Variants in GRIA1 observed in about 807,000 individuals in gnomAD.
The protein encoded by GRIA1 is glutamate ionotropic receptor AMPA type subunit 1.
In GRIA1, 31 loss-of-function variants were observed where a neutral mutation model predicts 99.2. That is an observed-to-expected ratio of 0.31 (90% CI 0.23 to 0.42). The LOEUF is 0.42. GRIA1 is among the 10% of genes least tolerant of loss of function. The pLI is 1.00. For missense variants in GRIA1, 782 were observed against 1,157.5 expected (o/e 0.68, Z 4.71); for synonymous variants, 438 against 432.4 (o/e 1.01, Z -0.16).
chr5:153,606,765 TAC>T (rs1765472923), intron 2 of GRIA1, among the ~76,000 whole-genome samples: 1 of 151,878 alleles, frequency 6.6e-6, no homozygotes, highest in Non-Finnish European at 1.5e-5. Flanking sequence ...CACTTTTTTC[TAC>T]AGTTTTTCTT....
chr5:153,759,738 C>G (rs538509479), intron 11 of GRIA1, among the ~76,000 whole-genome samples: 1 of 151,662 alleles, frequency 6.6e-6, no homozygotes, highest in Non-Finnish European at 1.5e-5. Flanking sequence ...AAACCAGACA[C>G]AACAAAAAAG....
chr5:153,529,789 C>T (rs1344061169), intron 2 of GRIA1, among the ~76,000 whole-genome samples: 1 of 152,080 alleles, frequency 6.6e-6, no homozygotes, highest in African/African-American at 2.4e-5. Flanking sequence ...AACTCCCCAA[C>T]CTTTTGCTTT....
At chr5:153,520,364 G>A (rs1757025706) in intron 2 of GRIA1, among the ~76,000 whole-genome samples, 1 of 152,220 alleles carries the variant, frequency 6.6e-6, no homozygotes, top group South Asian at 2.1e-4. Context: ...CCACAGTGGA[G>A]CCTTGAAGGA....
At chr5:153,696,973 G>T (rs1424572375) in intron 8 of GRIA1, among the ~76,000 whole-genome samples, 2 of 152,074 alleles carry the variant, frequency 1.3e-5, no homozygotes, top group Non-Finnish European at 2.9e-5. Context: ...GGCCTTCAAA[G>T]CCATCTGCTA....
chr5:153,611,351 T>C (rs980456148), intron 2 of GRIA1, among the ~76,000 whole-genome samples: 2 of 152,218 alleles, frequency 1.3e-5, no homozygotes, highest in African/African-American at 4.8e-5. Flanking sequence ...GGAAAGCTGG[T>C]TTACTGTCCC....
intron 2 of GRIA1, among the ~76,000 whole-genome samples, chr5:153,618,103 T>C (rs2149418666): frequency 6.6e-6 from 1 of 152,354 alleles, no homozygotes; most frequent in East Asian, 1.9e-4. Context: ...GTTTGACGTT[T>C]GGCTTAATGT....
intron 2 of GRIA1, among the ~76,000 whole-genome samples, chr5:153,552,267 G>C (rs11745937): frequency 0.47 from 70,703 of 151,638 alleles, 18,198 homozygotes; most frequent in Non-Finnish European, 0.59. Flanking sequence ...AAAGAAGAAG[G>C]TTTGGCAGTA....
intron 2 of GRIA1, among the ~76,000 whole-genome samples, chr5:153,526,130 T>C (rs1757572283): frequency 6.6e-6 from 1 of 152,188 alleles, no homozygotes; most frequent in Non-Finnish European, 1.5e-5. Context: ...ATCTGTATGA[T>C]GGGAATAATA....
At chr5:153,536,396 C>T (rs1439953314) in intron 2 of GRIA1, among the ~76,000 whole-genome samples, 2 of 152,148 alleles carry the variant, frequency 1.3e-5, no homozygotes, top group Non-Finnish European at 2.9e-5. Context: ...TATCCCTTAT[C>T]ATTCTGCCGT....
At chr5:153,762,235 T>C (rs1483239792) in intron 11 of GRIA1, among the ~76,000 whole-genome samples, 2 of 152,238 alleles carry the variant, frequency 1.3e-5, no homozygotes, top group African/African-American at 2.4e-5. Flanking sequence ...GAATTGATCA[T>C]TATATAATGT....
At chr5:153,680,504 G>A (rs1034572830) in intron 7 of GRIA1, among the ~76,000 whole-genome samples, 5 of 152,084 alleles carry the variant, frequency 3.3e-5, no homozygotes, top group African/African-American at 9.7e-5. Flanking sequence ...TTAGAAAAAT[G>A]CATATGTGTA....
intron 2 of GRIA1, among the ~76,000 whole-genome samples, chr5:153,574,048 G>C (rs1248455546): frequency 6.6e-6 from 1 of 152,308 alleles, no homozygotes; most frequent in East Asian, 1.9e-4. Flanking sequence ...TCAAGAACAA[G>C]TGATGTGCAG....
intron 5 of GRIA1, among the ~76,000 whole-genome samples, chr5:153,668,530 T>C (rs1755914774): frequency 6.6e-6 from 1 of 152,234 alleles, no homozygotes; most frequent in Admixed American, 6.5e-5. Flanking sequence ...TAAATAGTAA[T>C]AGTAAATTAC....
chr5:153,626,647 A>C lies in GRIA1; in HGVS notation c.221-20281A>C, dbSNP rs1168590715. ...ATTAACTCATGTAGGACTGACGCTAAGGGACAGTTAGAGTGGAGTGGAAAC... is the reference window on the plus strand; with the variant it reads ...ATTAACTCATGTAGGACTGACGCTACGGGACAGTTAGAGTGGAGTGGAAAC... On this transcript the variant is annotated intron_variant, in intron 2 of 15. Coordinates refer to ENST00000285900, the MANE Select transcript of GRIA1 (RefSeq NM_000827.4). 2.6e-5 allele frequency among the ~76,000 whole-genome samples: 4 copies of C among 152,192 alleles called. No homozygotes were observed. The East Asian group carries it at 7.7e-4, about 29-fold the overall frequency.
chr5:153,668,323 C>T (rs963435702), intron 5 of GRIA1, among the ~76,000 whole-genome samples: 14 of 152,196 alleles, frequency 9.2e-5, no homozygotes, highest in African/African-American at 3.1e-4. Context: ...CAAAAGTCAG[C>T]AAACTATGGT....
chr5:153,492,331 G>C, intron 1 of GRIA1: 3 of 1,516,270 alleles, frequency 2.0e-6, no homozygotes, highest in Non-Finnish European at 2.6e-6. Context: ...GTGTGTTAGT[G>C]CCTAACACGC....
chr5:153,743,127 T>G (rs1195771253), intron 11 of GRIA1, among the ~76,000 whole-genome samples: 1 of 152,038 alleles, frequency 6.6e-6, no homozygotes, highest in South Asian at 2.1e-4. Context: ...ACCCAGAAAA[T>G]AGAGAGGAGA....
Position 153,802,474 on chromosome 5 carries a change from A to T in GRIA1, c.2504A>T (p.Glu835Val). 6.2e-7 allele frequency: 1 copy of T among 1,613,970 alleles called. No individual in the cohort carries two copies. Among genetic ancestry groups the T allele is most frequent in the Non-Finnish European group, 8.5e-7 (1 of 1,179,944 alleles). The change falls in exon 15 of 16, where the codon GAA becomes GTA. Residue 835 changes from glutamate (E) to valine (V), a missense_variant. By Grantham distance (121) the Glu-to-Val change is moderately radical. Around this residue, in one of 5 missense-constraint regions of GRIA1, gnomAD observed 119 missense variants for 326.6 expected, o/e 0.36. Coordinates refer to ENST00000285900, the MANE Select transcript of GRIA1 (RefSeq NM_000827.4). ...LIEFCYKSRS[E>V]SKRMKGFCLI... ...GAGTTCTGCTACAAATCCCGTAGTG[A>T]ATCCAAGCGGATGAAGGTGGCATCG...
rs563074837 is a variant in GRIA1 at position 153,579,127 on chromosome 5, G to A, written c.221-67801G>A. ...ACAATATGAAAATGCTTTATAAACT[G>A]TAAAGGGCCATGCAAGTATAAAGTA... On this transcript the variant is annotated intron_variant, in intron 2 of 15. Transcript: ENST00000285900. Among the ~76,000 whole-genome samples, 159 of 151,896 alleles carry A rather than the reference G, an allele frequency of 1.0e-3. 1 individual carries two copies. The highest frequency in any genetic ancestry group is 3.6e-3 in the African/African-American group (151 of 41,488).
Sources: allele counts gnomAD v4.1 joint callset (sites outside exome capture counted in the v4.1 genomes callset), GRCh38; gene constraint gnomAD v4.1.1; regional missense constraint gnomAD v4.1.1; transcripts MANE v1.5; gene names NCBI Gene and HGNC (gene_info 2026-07-23, HGNC 2026-07-21).